The following COL6A6 variants were observed in gnomAD, a reference collection of about 807,000 sequenced individuals.
COL6A6 encodes the protein collagen type VI alpha 6 chain.
A neutral mutation model predicts 208.6 loss-of-function variants in COL6A6; 183 were observed. The ratio of observed to expected loss-of-function variants is 0.88; its 90% CI spans 0.78 to 0.99. The LOEUF (loss-of-function observed/expected upper bound fraction) is 0.99. Ranked by LOEUF, COL6A6 falls within the 50% of genes least tolerant of loss-of-function variation. The probability of loss-of-function intolerance (pLI) is 0.00; values close to 1 mark genes in which losing one functional copy is unlikely to be tolerated. For missense variants in COL6A6, 2,816 were observed against 2,815.2 expected (o/e 1.00, Z -0.01); for synonymous variants, 973 against 1,011.8 (o/e 0.96, Z 0.73).
chr3:130,654,784 C>T (rs781118472), intron 33 of COL6A6, among the ~76,000 whole-genome samples: 2 of 152,130 alleles, frequency 1.3e-5, no homozygotes, highest in African/African-American at 2.4e-5. Context: ...AACAAGAGAC[C>T]GGGGTCTTAT....
intron 32 of COL6A6, among the ~76,000 whole-genome samples, chr3:130,645,396 A>G (rs1297875462): frequency 6.6e-6 from 1 of 151,682 alleles, no homozygotes; most frequent in Non-Finnish European, 1.5e-5. Flanking sequence ...TTCCACTTCA[A>G]CCTCCGGAGT....
At chr3:130,573,259 G>A (rs1408164876) in intron 7 of COL6A6, among the ~76,000 whole-genome samples, 1 of 152,154 alleles carries the variant, frequency 6.6e-6, no homozygotes, top group Non-Finnish European at 1.5e-5. Context: ...AAATGTATGT[G>A]TGTTTTGTTT....
intron 23 of COL6A6, among the ~76,000 whole-genome samples, chr3:130,615,053 G>T (rs926708058): frequency 2.0e-5 from 3 of 151,482 alleles, no homozygotes; most frequent in Non-Finnish European, 4.4e-5. Flanking sequence ...TAGCTTTGGG[G>T]TTGGTTTTCT....
At chr3:130,559,025 A>G (rs937586342) in intron 1 of COL6A6, among the ~76,000 whole-genome samples, 4 of 152,244 alleles carry the variant, frequency 2.6e-5, no homozygotes, top group African/African-American at 7.2e-5. Flanking sequence ...AAATAAGAAC[A>G]AGAATAGTAA....
At chr3:130,548,626 C>T (rs1380030821) in intron 1 of COL6A6, among the ~76,000 whole-genome samples, 1 of 152,208 alleles carries the variant, frequency 6.6e-6, no homozygotes, top group Non-Finnish European at 1.5e-5. Context: ...CTCCTTCTGC[C>T]AGAAGCATGA....
intron 20 of COL6A6, among the ~76,000 whole-genome samples, chr3:130,605,964 A>G (rs759696915): frequency 1.3e-5 from 2 of 152,244 alleles, no homozygotes; most frequent in African/African-American, 2.4e-5. Flanking sequence ...TGATTCACTT[A>G]TCTCCCACTG....
At chr3:130,552,693 T>A (rs2062672152) in intron 1 of COL6A6, among the ~76,000 whole-genome samples, 1 of 152,230 alleles carries the variant, frequency 6.6e-6, no homozygotes, top group Admixed American at 6.5e-5. Context: ...ATCGTGTTGT[T>A]AACTTAACCC....
intron 14 of COL6A6, 34 bp downstream of exon 14, chr3:130,592,646 A>G: frequency 2.0e-5 from 32 of 1,612,370 alleles, no homozygotes; most frequent in Non-Finnish European, 2.6e-5. Flanking sequence ...AGTTTTCTCA[A>G]TATTAATTAC....
At chr3:130,585,132 C>T (rs2063509117) in intron 10 of COL6A6, among the ~76,000 whole-genome samples, 1 of 152,190 alleles carries the variant, frequency 6.6e-6, no homozygotes, top group East Asian at 1.9e-4. Flanking sequence ...CAATTCTCAT[C>T]AAAGGATTCT....
chr3:130,590,299 ATTTTTTTTTTTTTTTTT>A (rs71133610), intron 12 of COL6A6, among the ~76,000 whole-genome samples: 108 of 9,146 alleles, frequency 0.012, no homozygotes, highest in East Asian at 0.052. Flanking sequence ...ATATATATAT[ATTTTTTTTTTTTTTTTT>A]TTTTTTTTTT....
chr3:130,576,700 A>T (rs1434641240), intron 8 of COL6A6, among the ~76,000 whole-genome samples: 1 of 152,196 alleles, frequency 6.6e-6, no homozygotes, highest in Admixed American at 6.5e-5. Flanking sequence ...ATATTAAGAT[A>T]AACTTGAGGT....
At chr3:130,589,973 G>A in intron 12 of COL6A6, 1 of 443,616 alleles carries the variant, frequency 2.3e-6, no homozygotes, top group South Asian at 1.6e-5. Context: ...GAATGTTTCA[G>A]CTTCATGTAA....
chr3:130,605,694 G>T (rs191787436), intron 20 of COL6A6, among the ~76,000 whole-genome samples: 20 of 152,256 alleles, frequency 1.3e-4, no homozygotes, highest in Admixed American at 9.1e-4. Context: ...TAACAATAGT[G>T]TATTGGTCCA....
intron 36 of COL6A6, among the ~76,000 whole-genome samples, chr3:130,672,619 G>A (rs921059801): frequency 6.6e-6 from 1 of 151,846 alleles, no homozygotes; most frequent in Non-Finnish European, 1.5e-5. Flanking sequence ...GGCCAGGCTG[G>A]TCTCGAACTC....
chr3:130,656,783 T>C (rs1226893270), intron 33 of COL6A6, among the ~76,000 whole-genome samples: 1 of 152,186 alleles, frequency 6.6e-6, no homozygotes, highest in Non-Finnish European at 1.5e-5. Flanking sequence ...CTCTCGTGCT[T>C]GTTAGCACCC....
intron 1 of COL6A6, among the ~76,000 whole-genome samples, chr3:130,541,751 A>G (rs2062368529): frequency 6.6e-6 from 1 of 152,186 alleles, no homozygotes; most frequent in African/African-American, 2.4e-5. Context: ...AAATTGGTGT[A>G]ATTTCTTTCT....
intron 26 of COL6A6, 65 bp from the exon 27 acceptor site, chr3:130,634,525 A>C: frequency 6.9e-7 from 1 of 1,440,214 alleles, no homozygotes; most frequent in Non-Finnish European, 9.6e-7. Flanking sequence ...AGGTAAATTG[A>C]AAATCAATGT....
In COL6A6 at chr3:130,567,034, TG is replaced by T; in HGVS notation, c.1616del (p.Cys539SerfsTer6). The T allele has an allele frequency of 6.2e-7, 1 of 1,614,060 alleles. No homozygotes were observed. The highest frequency in any genetic ancestry group is 8.5e-7 in the Non-Finnish European group (1 of 1,179,902). On this transcript the variant is annotated frameshift_variant, in exon 5 of 37. Coordinates refer to ENST00000358511, the MANE Select transcript of COL6A6 (RefSeq NM_001102608.3). LOFTEE classifies it high-confidence loss of function. ...AKKQRGNKVP[C>X]HLVVLTNGMS... ...GAAGCAGCGAGGAAACAAAGTTCCA[TG>T]CCACCTTGTTGTCCTGACAAATGGC...
intron 12 of COL6A6, chr3:130,589,857 C>T (rs1009406226): frequency 6.7e-5 from 19 of 281,542 alleles, no homozygotes; most frequent in South Asian, 1.8e-4. Flanking sequence ...AGTTTGTTTA[C>T]ATGTGTTTTA....
Sources: gnomAD v4.1 joint callset for allele counts (sites outside exome capture counted in the v4.1 genomes callset) on GRCh38, gnomAD v4.1.1 for gene constraint, MANE v1.5 for transcripts, NCBI Gene and HGNC (gene_info 2026-07-23, HGNC 2026-07-21) for gene names.